DYM: variants seen among roughly 807,000 people sequenced by gnomAD.
DYM encodes dymeclin.
In DYM, 78 loss-of-function variants were observed where a neutral mutation model predicts 93.1. That is an observed-to-expected ratio of 0.84 (90% CI 0.70 to 1.01). The LOEUF (loss-of-function observed/expected upper bound fraction) is 1.01, where lower values mean the gene tolerates loss of function less well. Ranked by LOEUF, DYM falls within the 50% of genes least tolerant of loss-of-function variation. DYM has a pLI of 0.00. For missense variants in DYM, 789 were observed against 845.0 expected (o/e 0.93, Z 0.82); for synonymous variants, 321 against 319.7 (o/e 1.00, Z -0.04).
chr18:49,145,590 T>C (rs190071443), intron 15 of DYM, among the ~76,000 whole-genome samples: 303 of 152,304 alleles, frequency 2.0e-3, no homozygotes, highest in South Asian at 6.6e-3. Context: ...CCTTCCCCTA[T>C]TTGTTTCCAA....
rs2070958924 is a variant in DYM at position 49,041,972 on chromosome 18, T to C, written c.*2083A>G. 6.6e-6 allele frequency: 1 copy of C among 152,214 alleles called. No homozygotes were observed. The highest frequency in any genetic ancestry group is 1.5e-5 in the Non-Finnish European group (1 of 68,026). The allele number at this position is 152,214 out of a possible 1,614,324, so 9.4% of individuals were successfully genotyped here. The stretch of plus-strand genomic sequence containing the variant: ...AGCTGTTCCACATGACCCTTAAACA[T>C]TTAAACAATTTTTTGGTTTAAAGGA... On this transcript the variant is annotated 3_prime_UTR_variant, in exon 18 of 18. Transcript: ENST00000675505.
At chr18:49,242,645 A>G (rs918747194) in intron 13 of DYM, among the ~76,000 whole-genome samples, 5 of 152,102 alleles carry the variant, frequency 3.3e-5, no homozygotes, top group Admixed American at 6.5e-5. Context: ...TCTGTAGGTC[A>G]CTGAAAGGGA....
At chr18:49,071,327 A>T (rs1187893571) in intron 17 of DYM, among the ~76,000 whole-genome samples, 1 of 152,244 alleles carries the variant, frequency 6.6e-6, no homozygotes, top group Non-Finnish European at 1.5e-5. Context: ...CTTTTGCAGT[A>T]CACATGTTAA....
chr18:49,320,759 C>T (rs2062412487), intron 8 of DYM, among the ~76,000 whole-genome samples: 3 of 152,140 alleles, frequency 2.0e-5, no homozygotes, highest in Admixed American at 6.5e-5. Context: ...AGGTGTGAGC[C>T]ACCGTGGCTG....
At chr18:49,253,112 A>T (rs1343231401) in intron 13 of DYM, among the ~76,000 whole-genome samples, 2 of 152,304 alleles carry the variant, frequency 1.3e-5, no homozygotes, top group East Asian at 1.9e-4. Flanking sequence ...TTTCATAGCA[A>T]TGTAACATGT....
chr18:49,426,971 T>G (rs2074357994), intron 2 of DYM, among the ~76,000 whole-genome samples: 1 of 152,236 alleles, frequency 6.6e-6, no homozygotes, highest in South Asian at 2.1e-4. Flanking sequence ...ATAACCTAAT[T>G]GATGACATAA....
At chr18:49,349,912 G>T (rs536260429) in intron 6 of DYM, among the ~76,000 whole-genome samples, 1 of 152,086 alleles carries the variant, frequency 6.6e-6, no homozygotes, top group Non-Finnish European at 1.5e-5. Flanking sequence ...AGCCGTGATC[G>T]CACCACTGTA....
intron 5 of DYM, 21 bp from the exon 6 acceptor site, chr18:49,363,254 A>ATTT: frequency 1.3e-6 from 2 of 1,573,696 alleles, no homozygotes; most frequent in Non-Finnish European, 1.7e-6. Context: ...ACATAAAAAG[A>ATTT]TTTTTTTTTA....
chr18:49,289,770 T>TATATATAC (rs2059971197), intron 8 of DYM, among the ~76,000 whole-genome samples: 1 of 42,694 alleles, frequency 2.3e-5, no homozygotes, highest in Admixed American at 3.0e-4. Flanking sequence ...TATATATATA[T>TATATATAC]ATACACATAT....
At chr18:49,328,622 A>T (rs555402540) in intron 8 of DYM, among the ~76,000 whole-genome samples, 47 of 152,262 alleles carry the variant, frequency 3.1e-4, no homozygotes, top group Non-Finnish European at 6.6e-4. Context: ...AAAAGTGGGC[A>T]AAGGATATGA....
chr18:49,331,094 G>A (rs539644835), intron 8 of DYM, among the ~76,000 whole-genome samples: 1 of 151,960 alleles, frequency 6.6e-6, no homozygotes, highest in East Asian at 1.9e-4. Flanking sequence ...TGCAGCTGTG[G>A]AAATGTGTTC....
intron 17 of DYM, among the ~76,000 whole-genome samples, chr18:49,060,973 G>A (rs1599436896): frequency 6.6e-6 from 1 of 152,146 alleles, no homozygotes; most frequent in East Asian, 1.9e-4. Flanking sequence ...GGTAGTGAGG[G>A]GGGCATGAAC....
At chr18:49,047,908 T>C (rs2071840756) in intron 17 of DYM, among the ~76,000 whole-genome samples, 1 of 152,166 alleles carries the variant, frequency 6.6e-6, no homozygotes, top group African/African-American at 2.4e-5. Flanking sequence ...CACGGCATCC[T>C]GGTCAGTCAC....
At chr18:49,289,778 T>TAC (rs2059980069) in intron 8 of DYM, among the ~76,000 whole-genome samples, 3 of 55,924 alleles carry the variant, frequency 5.4e-5, no homozygotes, top group African/African-American at 2.3e-4. Flanking sequence ...TATATACACA[T>TAC]ATATATATAT....
intron 8 of DYM, among the ~76,000 whole-genome samples, chr18:49,289,767 A>ACG (rs1568181466): frequency 2.5e-4 from 12 of 47,080 alleles, no homozygotes; most frequent in African/African-American, 1.0e-3. Context: ...ATATATATAT[A>ACG]TATATACACA....
At chr18:49,119,388 T>G (rs954302215) in intron 15 of DYM, among the ~76,000 whole-genome samples, 1 of 152,232 alleles carries the variant, frequency 6.6e-6, no homozygotes, top group Admixed American at 6.5e-5. Context: ...ATAAACAGAC[T>G]ATGATTTTGT....
intron 15 of DYM, among the ~76,000 whole-genome samples, chr18:49,154,081 C>G (rs1163431119): frequency 6.6e-6 from 1 of 152,090 alleles, no homozygotes; most frequent in Non-Finnish European, 1.5e-5. Context: ...TGACCTCAAT[C>G]TAATCATGAG....
At chr18:49,160,313 A>C (rs1483149888) in intron 15 of DYM, among the ~76,000 whole-genome samples, 2 of 152,218 alleles carry the variant, frequency 1.3e-5, no homozygotes, top group Non-Finnish European at 2.9e-5. Context: ...AGACCAACAT[A>C]GTTGCACTAA....
At chr18:49,438,251 A>G (rs1340318669) in intron 1 of DYM, among the ~76,000 whole-genome samples, 2 of 152,248 alleles carry the variant, frequency 1.3e-5, no homozygotes, top group African/African-American at 2.4e-5. Context: ...AAAGCCTACA[A>G]GCATATCAGG....
Sources: allele counts gnomAD v4.1 joint callset (sites outside exome capture counted in the v4.1 genomes callset), GRCh38; gene constraint gnomAD v4.1.1; transcripts MANE v1.5; gene names NCBI Gene and HGNC (gene_info 2026-07-23, HGNC 2026-07-21).